TACC2: variants seen among roughly 807,000 people sequenced by gnomAD.
The protein encoded by TACC2 is transforming acidic coiled-coil containing protein 2, also known as transforming acidic coiled-coil-containing protein 2.
TACC2 carries 137 observed loss-of-function variants against 227.3 expected under a neutral mutation model. That is an observed-to-expected ratio of 0.60 (90% confidence interval 0.52 to 0.69). TACC2 has a LOEUF of 0.69. Among genes scored for constraint, TACC2 ranks in the 30% least tolerant of loss-of-function variants. The pLI, the probability that TACC2 is intolerant of heterozygous loss-of-function variation, is 0.00. For missense variants in TACC2, 3,470 were observed against 3,694.4 expected, an observed-to-expected ratio of 0.94 and a Z score of 1.57; for synonymous variants, 1,523 against 1,487.5, an observed-to-expected ratio of 1.02 and a Z score of -0.55.
intron 5 of TACC2, among the ~76,000 whole-genome samples, chr10:122,125,794 T>TTTTTG (rs2086726106): frequency 6.9e-6 from 1 of 145,908 alleles, no homozygotes; most frequent in African/African-American, 2.6e-5. Flanking sequence ...TTTTTTTTTT[T>TTTTTG]GAGAGGGAGT....
rs34095801 is a variant in TACC2 at position 122,195,106 on chromosome 10, T to TCCACCCCCA, written c.5910_5918dup (p.Pro1971_Pro1973dup). 1 of 1,612,388 alleles carries TCCACCCCCA rather than the reference T, an allele frequency of 6.2e-7. No homozygotes were observed. The highest frequency in any genetic ancestry group is 8.5e-7 in the Non-Finnish European group (1 of 1,179,010). The stretch of plus-strand genomic sequence containing the variant: ...CGACCCCTGTCAAAGCTCCGCCAGC[T>TCCACCCCCA]CCACCCCCACCACCCCCCGAAGTCA... On this transcript the variant is annotated inframe_insertion, in exon 8 of 23. Coordinates refer to ENST00000369005, the MANE Select transcript of TACC2 (RefSeq NM_206862.4).
rs1203641817 is a variant in TACC2 at position 122,050,344 on chromosome 10, G to C, written c.34-94G>C. ...CAGAGCAAGTGAACAACCTTACCTT[G>C]AATGCTGTGGTGGGTGCCCTGTTGA... On this transcript the variant is annotated intron_variant, in intron 2 of 22. Coordinates refer to ENST00000369005, the MANE Select transcript of TACC2 (RefSeq NM_206862.4). This position sits in a 1 kb window ranked among gnomAD's most constrained non-coding sequence, Gnocchi z 4.6. 6 of 924,696 alleles carry C rather than the reference G, an allele frequency of 6.5e-6. No homozygotes were observed. The highest frequency in any genetic ancestry group is 8.5e-6 in the Non-Finnish European group (5 of 588,716). 57.3% of individuals were successfully genotyped at this position (924,696 alleles called of 1,614,324 possible). A position where few individuals can be genotyped will look rare whatever the true frequency, so the allele number is the denominator to read the frequency against.
At chr10:122,061,285 C>CA (rs58324245) in intron 3 of TACC2, among the ~76,000 whole-genome samples, 3,616 of 87,056 alleles carry the variant, frequency 0.042, 249 homozygotes, top group Non-Finnish European at 0.047. Flanking sequence ...CACTCCGTCT[C>CA]AAAAAAAAAA....
Position 122,195,101 on chromosome 10 carries a change from C to T in TACC2, c.5896C>T (p.Pro1966Ser). 6.2e-7 allele frequency: 1 copy of T among 1,613,598 alleles called. No homozygotes were observed. Among genetic ancestry groups the T allele is most frequent in the South Asian group, 1.1e-5 (1 of 91,018 alleles). ...GTCAACGACCCCTGTCAAAGCTCCG[C>T]CAGCTCCACCCCCACCACCCCCCGA... is the stretch of plus-strand genomic sequence containing the variant. Reference protein sequence around the residue: ...PESTTPVKAPPAPPPPPPEVI... With the variant: ...PESTTPVKAPSAPPPPPPEVI... Residue 1966 changes from proline (P) to serine (S), a missense_variant, in exon 8 of 23, where the codon CCA becomes TCA. Around this residue, in one of 10 missense-constraint regions of TACC2, gnomAD observed 593 missense variants for 636.6 expected, o/e 0.93. Transcript: ENST00000369005.
At position 122,237,452 on chromosome 10, in the gene TACC2, A is replaced by G. The variant is rs775145955; in HGVS notation, c.8185A>G (p.Ile2729Val). The change falls in exon 17 of 23, where the codon ATC becomes GTC. Residue 2729 changes from isoleucine to valine, a missense_variant. Around this residue, in one of 10 missense-constraint regions of TACC2, gnomAD observed 345 missense variants for 354.4 expected, o/e 0.97. Coordinates refer to ENST00000369005, the MANE Select transcript of TACC2 (RefSeq NM_206862.4). Reference protein sequence around the residue: ...SISKTALYSRIGTAEVEKPAG... With the variant: ...SISKTALYSRVGTAEVEKPAG... Reference sequence around the variant, plus strand: ...CTCCAAAACAGCCTTGTACTCCCGCATCGGGACCGCTGAGGTGGAGAAACC... The same window carrying G: ...CTCCAAAACAGCCTTGTACTCCCGCGTCGGGACCGCTGAGGTGGAGAAACC... 5 of 1,613,902 alleles carry G rather than the reference A, an allele frequency of 3.1e-6. No individual in the cohort carries two copies. Among genetic ancestry groups the G allele is most frequent in the East Asian group, 4.5e-5 (2 of 44,886 alleles).
At chr10:122,179,313 C>A (rs1028204056) in intron 7 of TACC2, among the ~76,000 whole-genome samples, 4 of 152,154 alleles carry the variant, frequency 2.6e-5, no homozygotes, top group African/African-American at 4.8e-5. Context: ...TCTGCCTTGT[C>A]GTATTTAAAC....
chr10:122,098,109 C>A (rs554213866), intron 5 of TACC2, among the ~76,000 whole-genome samples: 2 of 152,226 alleles, frequency 1.3e-5, no homozygotes, highest in African/African-American at 4.8e-5. Context: ...AGCCCAGGGC[C>A]CAGCACACAC....
chr10:122,088,979 G>A (rs2080400631), intron 5 of TACC2, among the ~76,000 whole-genome samples: 1 of 152,130 alleles, frequency 6.6e-6, no homozygotes, highest in African/African-American at 2.4e-5. Context: ...GCCGGGCACA[G>A]TGGCACGTGT....
intron 3 of TACC2, among the ~76,000 whole-genome samples, chr10:122,068,639 T>C (rs2077646494): frequency 6.7e-6 from 1 of 150,130 alleles, no homozygotes; most frequent in South Asian, 2.1e-4. Context: ...TTCCCAGCTC[T>C]GTGTGAGCTG....
Position 122,143,714 on chromosome 10 carries a change from G to GC in TACC2, c.5834+9dup. The GC allele has an allele frequency of 6.2e-7, 1 of 1,612,900 alleles. No individual in the cohort carries two copies. The highest frequency in any genetic ancestry group is 8.5e-7 in the Non-Finnish European group (1 of 1,179,264). On this transcript the variant is annotated intron_variant, in intron 7 of 22. Coordinates refer to ENST00000369005, the MANE Select transcript of TACC2 (RefSeq NM_206862.4). ...GGCCAAGGACCTCAGCAGGTATTGC[G>GC]CAAGTCCCCCTCCACAGCACCTGCC...
intron 5 of TACC2, among the ~76,000 whole-genome samples, chr10:122,108,160 A>G (rs1162697592): frequency 6.6e-6 from 1 of 151,544 alleles, no homozygotes; most frequent in Non-Finnish European, 1.5e-5. Flanking sequence ...CAAAGTGCTG[A>G]GATTACAGGC....
chr10:122,162,275 G>A (rs1436781223), intron 7 of TACC2, among the ~76,000 whole-genome samples: 1 of 152,202 alleles, frequency 6.6e-6, no homozygotes, highest in Non-Finnish European at 1.5e-5. Context: ...GTGACCTCGA[G>A]TGTCAGTATC....
intron 16 of TACC2, among the ~76,000 whole-genome samples, chr10:122,233,092 G>T (rs867249297): frequency 6.6e-6 from 1 of 152,174 alleles, no homozygotes; most frequent in Non-Finnish European, 1.5e-5. Flanking sequence ...CTGCAGTGGG[G>T]GTTTCTCCAT....
intron 7 of TACC2, among the ~76,000 whole-genome samples, chr10:122,191,918 T>C (rs1167729098): frequency 6.6e-6 from 1 of 152,220 alleles, no homozygotes; most frequent in East Asian, 1.9e-4. Flanking sequence ...GTGGGAATTG[T>C]GCTTATACAC....
In TACC2 at chr10:122,096,381, C is replaced by T. The variant is rs892294120; in HGVS notation, c.5573+7790C>T. On this transcript the variant is annotated intron_variant, in intron 5 of 22. Transcript: ENST00000369005. ...GCAAACCCTCCCTGCCCACAAACCC[C>T]CCGGTGGCCACACCTACAAGAGTGC... is the stretch of plus-strand genomic sequence containing the variant. Among the ~76,000 whole-genome samples the T allele has an allele frequency of 6.6e-5, 10 of 152,336 alleles. 1 individual carries two copies. The highest frequency in any genetic ancestry group is 1.2e-4 in the Non-Finnish European group (8 of 68,038).
At position 122,084,874 on chromosome 10, in the gene TACC2, G is replaced by C. The variant is rs200640597; in HGVS notation, c.2374G>C (p.Gly792Arg). The C allele has an allele frequency of 4.3e-6, 7 of 1,613,890 alleles. No homozygotes were observed. Among genetic ancestry groups the C allele is most frequent in the Non-Finnish European group, 5.9e-6 (7 of 1,180,030 alleles). ...GGGGGAGAACTTGGCAGCAGACCTG[G>C]GGCTCACGGCACTCATCCTGGACCA... ...PQGENLAADL[G>R]LTALILDQDQ... The change falls in exon 4 of 23, where the codon GGG becomes CGG. Residue 792 changes from glycine to arginine, a missense_variant. By Grantham distance (125) the Gly-to-Arg change is moderately radical. Coordinates refer to ENST00000369005, the MANE Select transcript of TACC2 (RefSeq NM_206862.4).
In TACC2 at chr10:122,229,971, C is replaced by G. The variant is rs185290958; in HGVS notation, c.8038-380C>G. 2.6e-4 allele frequency among the ~76,000 whole-genome samples: 40 copies of G among 152,172 alleles called. No individual in the cohort carries two copies. In the East Asian group the frequency reaches 7.4e-3, roughly 28 times the overall value. Reference sequence around the variant, plus strand: ...CTAGACTAGGGTGTTCAGAGCAAACCTAGAGAGATTGTTAACAGCCATCTG... The same window carrying G: ...CTAGACTAGGGTGTTCAGAGCAAACGTAGAGAGATTGTTAACAGCCATCTG... On this transcript the variant is annotated intron_variant, in intron 15 of 22. Coordinates refer to ENST00000369005, the MANE Select transcript of TACC2 (RefSeq NM_206862.4).
intron 7 of TACC2, 101 bp downstream of exon 7, chr10:122,143,807 A>G (rs998183522): frequency 1.8e-5 from 24 of 1,356,416 alleles, no homozygotes; most frequent in Non-Finnish European, 2.2e-5. Context: ...TAGGATGGTA[A>G]CAAGGTGGTG....
At position 122,210,630 on chromosome 10, in the gene TACC2, C is replaced by T. The variant is rs761282634; in HGVS notation, c.6205C>T (p.Arg2069Trp). Residue 2069 changes from arginine to tryptophan, a missense_variant, in exon 9 of 23, where the codon CGG becomes TGG. Physicochemically the swap from Arg to Trp is moderately radical, Grantham distance 101. Coordinates refer to ENST00000369005, the MANE Select transcript of TACC2 (RefSeq NM_206862.4). This position sits in a 1 kb window ranked among gnomAD's most constrained non-coding sequence, Gnocchi z 4.6. The part of the protein sequence containing the change: ...AKNQEGKVNT[R>W]RKSTDSVPIS... The stretch of plus-strand genomic sequence containing the variant: ...GAATCAGGAGGGCAAAGTGAACACA[C>T]GGAGGAAGTCCACGGATTCCGTCCC... The T allele has an allele frequency of 3.5e-5, 57 of 1,614,070 alleles. No homozygotes were observed. The highest frequency in any genetic ancestry group is 1.8e-4 in the South Asian group (16 of 91,080).
Sources: gnomAD v4.1 joint callset for allele counts (sites outside exome capture counted in the v4.1 genomes callset) on GRCh38, gnomAD v4.1.1 for gene constraint, gnomAD v4.1.1 regional missense constraint, Gnocchi (gnomAD v3.1) non-coding constraint, MANE v1.5 for transcripts, NCBI Gene and HGNC (gene_info 2026-07-23, HGNC 2026-07-21) for gene names.